PIK3C3: variants seen among roughly 807,000 people sequenced by gnomAD.
The protein encoded by PIK3C3 is phosphatidylinositol 3-kinase catalytic subunit type 3, also known as PI3-kinase type 3.
A neutral mutation model predicts 126.1 loss-of-function variants in PIK3C3; 95 were observed. The ratio of observed to expected loss-of-function variants is 0.75; its 90% CI spans 0.64 to 0.89. The LOEUF is 0.89. PIK3C3 is among the 40% of genes least tolerant of loss of function. The probability of loss-of-function intolerance (pLI) is 0.00; values close to 1 mark genes in which losing one functional copy is unlikely to be tolerated. For missense variants in PIK3C3, 829 were observed against 1,063.2 expected (o/e 0.78, Z 3.06); for synonymous variants, 374 against 360.0 (o/e 1.04, Z -0.44).
At chr18:42,043,180 C>T (rs1171893190) in intron 19 of PIK3C3, among the ~76,000 whole-genome samples, 1 of 151,470 alleles carries the variant, frequency 6.6e-6, no homozygotes. Flanking sequence ...CTCACTGCAA[C>T]CTGTACCTCC....
At chr18:42,037,527 G>C (rs1984110048) in intron 16 of PIK3C3, among the ~76,000 whole-genome samples, 165 bp from the exon 17 acceptor site, 2 of 152,264 alleles carry the variant, frequency 1.3e-5, no homozygotes, top group South Asian at 2.1e-4. Context: ...CTAGTTCACT[G>C]TTCTTTCCAG....
intron 24 of PIK3C3, among the ~76,000 whole-genome samples, chr18:42,071,952 A>T (rs1201636243): frequency 1.3e-5 from 2 of 152,208 alleles, no homozygotes; most frequent in South Asian, 2.1e-4. Context: ...TGAAGCATAC[A>T]TGGGATGCTA....
intron 13 of PIK3C3, among the ~76,000 whole-genome samples, chr18:42,024,239 TTAAGA>T (rs1983452119): frequency 6.6e-6 from 1 of 152,196 alleles, no homozygotes; most frequent in Non-Finnish European, 1.5e-5. Flanking sequence ...CATTCCTACT[TTAAGA>T]TGACAGCTTT....
intron 14 of PIK3C3, among the ~76,000 whole-genome samples, chr18:42,029,072 G>GA (rs1389470115): frequency 6.6e-6 from 1 of 152,034 alleles, no homozygotes; most frequent in East Asian, 1.9e-4. Flanking sequence ...GTTTATGTGG[G>GA]AAAAAAATGC....
chr18:41,959,544 T>C (rs1033399570), intron 2 of PIK3C3, among the ~76,000 whole-genome samples: 13 of 152,128 alleles, frequency 8.5e-5, no homozygotes, highest in Admixed American at 7.9e-4. Flanking sequence ...ACCACGAGAA[T>C]AGGCTTTTTA....
intron 20 of PIK3C3, 79 bp from the exon 21 acceptor site, chr18:42,049,452 C>G: frequency 9.9e-7 from 1 of 1,008,212 alleles, no homozygotes; most frequent in Non-Finnish European, 1.5e-6. Flanking sequence ...TAAAGTTGCA[C>G]AAACTGCTTT....
At chr18:42,002,779 A>G (rs1029071391) in intron 9 of PIK3C3, among the ~76,000 whole-genome samples, 1 of 152,214 alleles carries the variant, frequency 6.6e-6, no homozygotes, top group African/African-American at 2.4e-5. Flanking sequence ...AGAAACTCGT[A>G]TTTAGTTTCT....
At chr18:42,058,127 G>A in intron 22 of PIK3C3, 76 bp downstream of exon 22, 5 of 1,248,524 alleles carry the variant, frequency 4.0e-6, no homozygotes, top group Non-Finnish European at 5.5e-6. Context: ...TTGTTTAAAT[G>A]TATGCATTCT....
At chr18:42,022,651 TG>T (rs146247030) in intron 13 of PIK3C3, among the ~76,000 whole-genome samples, 4,577 of 152,230 alleles carry the variant, frequency 0.03, 96 homozygotes, top group Non-Finnish European at 0.043. Flanking sequence ...TGGTTGTGTT[TG>T]TTTTTTTCTG....
At chr18:42,057,607 G>A (rs1985129474) in intron 21 of PIK3C3, 1 of 307,114 alleles carries the variant, frequency 3.3e-6, no homozygotes. Context: ...CTTTGATTCT[G>A]AAGACTTATA....
At position 42,086,409 on chromosome 18, in the gene PIK3C3, G is replaced by A. The variant is rs1986399808; in HGVS notation, c.*5272G>A. Reference sequence around the variant, plus strand: ...ACTAGAGCAACTCCATCTTGAGTAGGGACTGGGTATAATGAAGCTGAGACC... The same window carrying A: ...ACTAGAGCAACTCCATCTTGAGTAGAGACTGGGTATAATGAAGCTGAGACC... On this transcript the variant is annotated 3_prime_UTR_variant, in exon 25 of 25. Transcript: ENST00000262039. 1 of 152,156 alleles carries A rather than the reference G, an allele frequency of 6.6e-6. No homozygotes were observed. The highest frequency in any genetic ancestry group is 1.5e-5 in the Non-Finnish European group (1 of 68,052). The allele number at this position is 152,156 out of a possible 1,614,324, so 9.4% of individuals were successfully genotyped here.
At chr18:42,047,203 A>G (rs1295693262) in intron 20 of PIK3C3, among the ~76,000 whole-genome samples, 2 of 152,170 alleles carry the variant, frequency 1.3e-5, no homozygotes, top group East Asian at 3.9e-4. Context: ...AAAAATGGGA[A>G]TAGTAAGTAG....
chr18:41,965,196 C>T (rs745556301), intron 3 of PIK3C3, among the ~76,000 whole-genome samples: 1 of 152,188 alleles, frequency 6.6e-6, no homozygotes, highest in Non-Finnish European at 1.5e-5. Context: ...ACCAGACATT[C>T]CTCTTGGTTT....
chr18:41,962,054 A>T (rs973025303), intron 2 of PIK3C3, among the ~76,000 whole-genome samples: 4 of 151,998 alleles, frequency 2.6e-5, no homozygotes, highest in African/African-American at 9.7e-5. Flanking sequence ...TTTTGTTTTG[A>T]TTGTTTTTTT....
chr18:42,079,199 T>C (rs896218523), intron 24 of PIK3C3, among the ~76,000 whole-genome samples: 1 of 152,236 alleles, frequency 6.6e-6, no homozygotes, highest in Admixed American at 6.5e-5. Context: ...CTCTTCCCTT[T>C]CACTTGATCA....
At chr18:42,066,211 T>TAAA (rs556475990) in intron 23 of PIK3C3, among the ~76,000 whole-genome samples, 155 of 152,286 alleles carry the variant, frequency 1.0e-3, no homozygotes, top group African/African-American at 3.7e-3. Flanking sequence ...CTTCTTACAT[T>TAAA]TACCTCTCTT....
intron 19 of PIK3C3, among the ~76,000 whole-genome samples, chr18:42,042,560 A>C (rs1023254228): frequency 3.3e-5 from 5 of 152,218 alleles, no homozygotes; most frequent in Admixed American, 1.3e-4. Flanking sequence ...AGTGTACTTA[A>C]AGTTTTTAAC....
intron 24 of PIK3C3, among the ~76,000 whole-genome samples, chr18:42,069,700 A>G (rs1985696898): frequency 6.6e-6 from 1 of 152,192 alleles, no homozygotes; most frequent in African/African-American, 2.4e-5. Context: ...TCTATCTACA[A>G]GTGTAGAAAT....
intron 5 of PIK3C3, among the ~76,000 whole-genome samples, chr18:41,989,621 C>T (rs775213810): frequency 2.6e-5 from 4 of 152,102 alleles, no homozygotes; most frequent in Non-Finnish European, 5.9e-5. Context: ...CAGTTGCCCA[C>T]AGTATTCAGT....
Sources: gnomAD v4.1 joint callset for allele counts (sites outside exome capture counted in the v4.1 genomes callset) on GRCh38, gnomAD v4.1.1 for gene constraint, MANE v1.5 for transcripts, NCBI Gene and HGNC (gene_info 2026-07-23, HGNC 2026-07-21) for gene names.